PKNOX2: variants seen among roughly 807,000 people sequenced by gnomAD.
PKNOX2 encodes the protein PBX/knotted 1 homeobox 2, also known as homeobox protein PKNOX2.
Under a neutral mutation model 53.1 loss-of-function variants are expected in PKNOX2, and 14 were observed. The ratio of observed to expected loss-of-function variants is 0.26; its 90% CI spans 0.17 to 0.41. The LOEUF is 0.41. PKNOX2 is among the 10% of genes least tolerant of loss of function. The pLI, the probability that PKNOX2 is intolerant of heterozygous loss-of-function variation, is 1.00. For missense variants in PKNOX2, 496 were observed against 602.8 expected (o/e 0.82, Z 1.85); for synonymous variants, 257 against 242.8 (o/e 1.06, Z -0.54).
intron 5 of PKNOX2, among the ~76,000 whole-genome samples, chr11:125,384,735 C>T (rs1953503915): frequency 6.6e-6 from 1 of 152,160 alleles, no homozygotes; most frequent in Admixed American, 6.5e-5. Context: ...CTTTGGCTCA[C>T]ATCTAGATGT....
At chr11:125,323,160 C>G (rs1268569639) in intron 2 of PKNOX2, among the ~76,000 whole-genome samples, 1 of 151,964 alleles carries the variant, frequency 6.6e-6, no homozygotes, top group Non-Finnish European at 1.5e-5. Flanking sequence ...GCGTTTCCAG[C>G]ATCCGTGAGT....
intron 3 of PKNOX2, among the ~76,000 whole-genome samples, chr11:125,343,633 C>T (rs979086115): frequency 2.6e-5 from 4 of 152,104 alleles, no homozygotes; most frequent in Admixed American, 6.6e-5. Context: ...GGACAATTGC[C>T]GCTATCAGGG....
chr11:125,251,828 C>T (rs1425917578), intron 2 of PKNOX2, among the ~76,000 whole-genome samples: 1 of 150,284 alleles, frequency 6.7e-6, no homozygotes, highest in Admixed American at 6.6e-5. Flanking sequence ...GCTCAGATTC[C>T]ACTGTGGTGA....
At position 125,295,720 on chromosome 11, in the gene PKNOX2, G is replaced by A. The variant is rs370326599; in HGVS notation, c.-129-36099G>A. On this transcript the variant is annotated intron_variant, in intron 2 of 12. Transcript: ENST00000298282. Reference sequence around the variant, plus strand: ...TGGATTTGGCAAGGAGGTGGCCTTCGAAGAGGGCAGTTTCAGAACTGGGGC... The same window carrying A: ...TGGATTTGGCAAGGAGGTGGCCTTCAAAGAGGGCAGTTTCAGAACTGGGGC... Among the ~76,000 whole-genome samples the A allele has an allele frequency of 3.9e-5, 6 of 152,126 alleles. No individual in the cohort carries two copies. In the East Asian group the frequency reaches 9.6e-4, roughly 24 times the overall value.
intron 1 of PKNOX2, 55 bp downstream of exon 1, chr11:125,164,831 CGCG>C: frequency 8.4e-5 from 15 of 178,276 alleles, no homozygotes; most frequent in Middle Eastern, 2.6e-3. Flanking sequence ...GCGGCGGCGG[CGCG>C]GCGGCGGCTG....
chr11:125,293,813 TCA>T (rs1365397069), intron 2 of PKNOX2, among the ~76,000 whole-genome samples: 7 of 151,100 alleles, frequency 4.6e-5, no homozygotes, highest in African/African-American at 1.7e-4. Context: ...TCACACACAC[TCA>T]CACACACTCA....
chr11:125,365,442 T>C (rs766566112), intron 4 of PKNOX2, among the ~76,000 whole-genome samples: 3 of 152,296 alleles, frequency 2.0e-5, no homozygotes, highest in Admixed American at 1.3e-4. Context: ...TGTCTCTCCT[T>C]CCCTGCACTT....
At chr11:125,189,447 G>GTGTATATATATA (rs1256963392) in intron 1 of PKNOX2, among the ~76,000 whole-genome samples, 1 of 23,462 alleles carries the variant, frequency 4.3e-5, no homozygotes, top group Non-Finnish European at 8.5e-5. Flanking sequence ...GTGTGTGTGT[G>GTGTATATATATA]TATATATATA....
intron 5 of PKNOX2, among the ~76,000 whole-genome samples, chr11:125,381,840 G>A (rs757236624): frequency 3.9e-5 from 6 of 152,182 alleles, no homozygotes; most frequent in Non-Finnish European, 7.3e-5. Context: ...CTGCTGGAAC[G>A]CCAGTCCCTT....
intron 1 of PKNOX2, among the ~76,000 whole-genome samples, chr11:125,219,375 T>C (rs1037391799): frequency 6.6e-6 from 1 of 151,726 alleles, no homozygotes; most frequent in African/African-American, 2.4e-5. Flanking sequence ...GAGGCAGAGG[T>C]TGCAGTGAGC....
intron 1 of PKNOX2, among the ~76,000 whole-genome samples, chr11:125,233,665 GC>G (rs1942423846): frequency 6.6e-6 from 1 of 152,184 alleles, no homozygotes; most frequent in Non-Finnish European, 1.5e-5. Flanking sequence ...TAAGGAGACA[GC>G]CCCTGAGGAA....
chr11:125,288,748 G>A (rs1947092752), intron 2 of PKNOX2, among the ~76,000 whole-genome samples: 1 of 152,222 alleles, frequency 6.6e-6, no homozygotes. Flanking sequence ...AGTGTGGCCT[G>A]AGGACCAGTG....
At chr11:125,280,592 T>G (rs180912558) in intron 2 of PKNOX2, among the ~76,000 whole-genome samples, 2 of 152,234 alleles carry the variant, frequency 1.3e-5, no homozygotes, top group African/African-American at 4.8e-5. Flanking sequence ...AACTGGAATA[T>G]CTCCAGGAAA....
At chr11:125,215,343 C>T (rs893151826) in intron 1 of PKNOX2, among the ~76,000 whole-genome samples, 4 of 152,034 alleles carry the variant, frequency 2.6e-5, no homozygotes, top group African/African-American at 7.2e-5. Flanking sequence ...GTCACAGTTC[C>T]GTGACTCAGG....
At chr11:125,260,107 GCCTCAAGTGAT>G (rs1409952778) in intron 2 of PKNOX2, among the ~76,000 whole-genome samples, 1 of 151,838 alleles carries the variant, frequency 6.6e-6, no homozygotes, top group East Asian at 1.9e-4. Flanking sequence ...TGAATTCCTG[GCCTCAAGTGAT>G]CCTCCCGCCT....
In PKNOX2 at chr11:125,192,024, T is replaced by C. The variant is rs528873782; in HGVS notation, c.-201+27248T>C. On this transcript the variant is annotated intron_variant, in intron 1 of 12. Transcript: ENST00000298282. ...GGCTTTTGTTTTCTGTGATGAAATA[T>C]CGACATCTGAGCAGAGAGAGGGATT... 2.6e-5 allele frequency among the ~76,000 whole-genome samples: 4 copies of C among 152,196 alleles called. No individual in the cohort carries two copies. The East Asian group carries it at 5.8e-4, about 22-fold the overall frequency.
At chr11:125,263,342 G>T (rs1591503096) in intron 2 of PKNOX2, among the ~76,000 whole-genome samples, 4 of 152,356 alleles carry the variant, frequency 2.6e-5, no homozygotes, top group South Asian at 2.1e-4. Flanking sequence ...GCCGCATGAG[G>T]AGGAGCGGCG....
chr11:125,177,162 A>T (rs1458434785), intron 1 of PKNOX2, among the ~76,000 whole-genome samples: 1 of 152,226 alleles, frequency 6.6e-6, no homozygotes, highest in African/African-American at 2.4e-5. Context: ...CTCTTCCCCT[A>T]CATGGGAGGG....
chr11:125,409,374 G>A (rs370748889), intron 7 of PKNOX2, among the ~76,000 whole-genome samples: 12 of 152,168 alleles, frequency 7.9e-5, no homozygotes, highest in African/African-American at 2.2e-4. Flanking sequence ...CAAAGGTTCC[G>A]TGCTGGTCGG....
Sources: gnomAD v4.1 joint callset for allele counts (sites outside exome capture counted in the v4.1 genomes callset) on GRCh38, gnomAD v4.1.1 for gene constraint, MANE v1.5 for transcripts, NCBI Gene and HGNC (gene_info 2026-07-23, HGNC 2026-07-21) for gene names.